MAGT1: variants seen among roughly 807,000 people sequenced by gnomAD.
MAGT1 encodes the protein magnesium transporter 1.
A neutral mutation model predicts 28.4 loss-of-function variants in MAGT1; 4 were observed. The observed-to-expected ratio is 0.14, with a 90% CI of 0.07 to 0.32. MAGT1 has a LOEUF of 0.32. MAGT1 is among the 10% of genes least tolerant of loss of function. MAGT1 has a pLI of 1.00. For synonymous variants in MAGT1, 89 were observed against 89.7 expected (o/e 0.99, Z 0.04); for missense variants, 193 against 264.5 (o/e 0.73, Z 1.88).
In MAGT1 at chrX:77,840,888, T is replaced by C. The variant is rs183350917; in HGVS notation, c.901+358A>G. On this transcript the variant is annotated intron_variant, in intron 8 of 9. Transcript: ENST00000618282. ...GAGTATAAGTTTAAAATTATGTATA[T>C]AGAAAAAGTTATTAGTTATTTAACT... 7.2e-3 allele frequency among the ~76,000 whole-genome samples: 808 copies of C among 111,884 alleles called. 4 individuals carry two copies. The highest frequency in any genetic ancestry group is 0.012 in the Non-Finnish European group (631 of 53,156).
At chrX:77,830,968 TTTTTTTATTTTATTTTATTTTA>T (rs2076896328) in intron 8 of MAGT1, 73 bp from the exon 9 acceptor site, 11 of 296,276 alleles carry the variant, frequency 3.7e-5, no homozygotes, top group Middle Eastern at 7.7e-4. Context: ...CTATACTTTC[TTTTTTTATTTTATTTTATTTTA>T]TTTTATTTTA....
intron 3 of MAGT1, among the ~76,000 whole-genome samples, chrX:77,858,303 G>A (rs1248295175): frequency 9.0e-6 from 1 of 110,778 alleles, no homozygotes; most frequent in Non-Finnish European, 1.9e-5. Context: ...TGATTCTCCT[G>A]CCTCAGCCTC....
chrX:77,887,507 T>C (rs970452364), intron 1 of MAGT1, among the ~76,000 whole-genome samples: 2 of 111,688 alleles, frequency 1.8e-5, no homozygotes, highest in Non-Finnish European at 3.8e-5. Context: ...GAGCCCATTA[T>C]TTGGGTATGG....
intron 8 of MAGT1, among the ~76,000 whole-genome samples, chrX:77,831,103 C>T (rs923016892): frequency 1.8e-5 from 2 of 110,771 alleles, no homozygotes; most frequent in East Asian, 2.8e-4. Context: ...CTGCAAGCTC[C>T]GCCTCCTGGG....
At chrX:77,865,059 T>C (rs1557216764) in intron 3 of MAGT1, among the ~76,000 whole-genome samples, 2 of 112,084 alleles carry the variant, frequency 1.8e-5, no homozygotes, top group African/African-American at 6.5e-5. Context: ...TAATAAATCC[T>C]AAATGCACTA....
At chrX:77,865,212 ACC>A (rs1327771545) in intron 3 of MAGT1, among the ~76,000 whole-genome samples, 2 of 112,035 alleles carry the variant, frequency 1.8e-5, no homozygotes, top group African/African-American at 6.5e-5. Flanking sequence ...TTTACCGAAT[ACC>A]CGTTATGTGC....
chrX:77,870,931 T>A lies in MAGT1; in HGVS notation c.273-6A>T. On this transcript the variant is annotated splice_polypyrimidine_tract_variant and splice_region_variant and intron_variant, in intron 2 of 9. Transcript: ENST00000618282. The stretch of plus-strand genomic sequence containing the variant: ...GGAATTCTTCATCAGCTTGCCTGGA[T>A]GCAATGAGATTCGTAAAGATAACAT... 8.8e-7 allele frequency: 1 copy of A among 1,142,778 alleles called. No homozygotes were observed. Among genetic ancestry groups the A allele is most frequent in the South Asian group, 1.8e-5 (1 of 55,479 alleles). 94.2% of individuals were successfully genotyped at this position (1,142,778 alleles called of 1,213,427 possible). A position where few individuals can be genotyped will look rare whatever the true frequency, so the allele number is the denominator to read the frequency against.
At chrX:77,842,769 GT>G (rs1287136408) in intron 7 of MAGT1, among the ~76,000 whole-genome samples, 1 of 110,814 alleles carries the variant, frequency 9.0e-6, no homozygotes, top group Non-Finnish European at 1.9e-5. Context: ...AGAGGTTGCA[GT>G]GAGCCGAGAT....
intron 7 of MAGT1, among the ~76,000 whole-genome samples, chrX:77,848,667 G>C (rs1290398126): frequency 9.0e-6 from 1 of 111,433 alleles, no homozygotes; most frequent in Non-Finnish European, 1.9e-5. Flanking sequence ...CATTCATATA[G>C]AAATGAATGC....
At chrX:77,869,165 G>A (rs1321879173) in intron 3 of MAGT1, among the ~76,000 whole-genome samples, 1 of 110,676 alleles carries the variant, frequency 9.0e-6, no homozygotes, top group Non-Finnish European at 1.9e-5. Context: ...ACGGGCGCCC[G>A]CCACCACACC....
intron 1 of MAGT1, among the ~76,000 whole-genome samples, chrX:77,879,554 T>C (rs1479397319): frequency 3.6e-5 from 4 of 111,873 alleles, no homozygotes; most frequent in East Asian, 5.6e-4. Flanking sequence ...CCGTTACCTA[T>C]ATTCTAGCAC....
intron 7 of MAGT1, among the ~76,000 whole-genome samples, chrX:77,853,280 T>A (rs1351977480): frequency 4.5e-5 from 5 of 111,948 alleles, no homozygotes; most frequent in African/African-American, 1.6e-4. Flanking sequence ...GTAATTACTG[T>A]TTTCTTACTG....
At chrX:77,878,081 A>C (rs1482413087) in intron 1 of MAGT1, among the ~76,000 whole-genome samples, 7 of 104,737 alleles carry the variant, frequency 6.7e-5, no homozygotes, top group Non-Finnish European at 1.2e-4. Context: ...CAGGAGTTCA[A>C]GACCAGCCTG....
intron 7 of MAGT1, among the ~76,000 whole-genome samples, chrX:77,853,589 T>C (rs2076974162): frequency 8.9e-6 from 1 of 112,188 alleles, no homozygotes; most frequent in Non-Finnish European, 1.9e-5. Flanking sequence ...TTTGTTTAAA[T>C]TTCACATAAA....
chrX:77,830,613 C>T (rs1557213291), intron 9 of MAGT1, among the ~76,000 whole-genome samples, 192 bp downstream of exon 9: 1 of 108,239 alleles, frequency 9.2e-6, no homozygotes, highest in Non-Finnish European at 1.9e-5. Context: ...AAAACTCCAT[C>T]TCAAAAATAA....
At chrX:77,832,801 C>T (rs1196345597) in intron 8 of MAGT1, among the ~76,000 whole-genome samples, 10 of 73,384 alleles carry the variant, frequency 1.4e-4, no homozygotes, top group Admixed American at 1.1e-3. Context: ...CCAGCCTAGG[C>T]GAAAAAGCAA....
In MAGT1 at chrX:77,879,835, C is replaced by CTTT. The variant is rs536579134; in HGVS notation, c.103-4241_103-4239dup. 2.9e-4 allele frequency among the ~76,000 whole-genome samples: 21 copies of CTTT among 73,174 alleles called. 1 individual carries two copies. The highest frequency in any genetic ancestry group is 8.9e-4 in the East Asian group (2 of 2,250). The allele number at this position is 73,174 out of a possible 115,157, so 63.5% of individuals were successfully genotyped here. ...TGGATTCTAAAAATGCATGATTTGC[C>CTTT]TTTTTTTTTTTTTTTTTTTTAGACA... On this transcript the variant is annotated intron_variant, in intron 1 of 9. Coordinates refer to ENST00000618282, the MANE Select transcript of MAGT1 (RefSeq NM_001367916.1).
At chrX:77,836,121 A>C (rs1348190608) in intron 8 of MAGT1, among the ~76,000 whole-genome samples, 1 of 111,177 alleles carries the variant, frequency 9.0e-6, no homozygotes, top group East Asian at 2.8e-4. Context: ...TCATTAAGTG[A>C]AACAATTCAG....
At chrX:77,842,767 C>T (rs939009552) in intron 7 of MAGT1, among the ~76,000 whole-genome samples, 2 of 110,244 alleles carry the variant, frequency 1.8e-5, no homozygotes, top group Admixed American at 2.0e-4. Context: ...GCAGAGGTTG[C>T]AGTGAGCCGA....
Sources: allele counts gnomAD v4.1 joint callset (sites outside exome capture counted in the v4.1 genomes callset), GRCh38; gene constraint gnomAD v4.1.1; transcripts MANE v1.5; gene names NCBI Gene and HGNC (gene_info 2026-07-23, HGNC 2026-07-21).